Variants in LRRC7 observed in about 807,000 individuals in gnomAD.
LRRC7 encodes leucine-rich repeat-containing protein 7.
LRRC7 carries 23 observed loss-of-function variants against 175.7 expected under a neutral mutation model. That is an observed-to-expected ratio of 0.13 (90% CI 0.09 to 0.19). The LOEUF (loss-of-function observed/expected upper bound fraction) is 0.19, where lower values mean the gene tolerates loss of function less well. LRRC7 is among the 10% of genes least tolerant of loss of function. The pLI, the probability that LRRC7 is intolerant of heterozygous loss-of-function variation, is 1.00. For missense variants in LRRC7, 1,354 were observed against 1,904.7 expected (o/e 0.71, Z 5.38); for synonymous variants, 685 against 680.9 (o/e 1.01, Z -0.09).
rs1553201466 is a variant in LRRC7 at position 70,082,781 on chromosome 1, A to ATCTTT, written c.4452+6484_4452+6485insCTTTT. On this transcript the variant is annotated intron_variant, in intron 24 of 26. Transcript: ENST00000651989. ...TATTAGTCAATCTTGATACCAGTAC[A>ATCTTT]TTTTTTTTTTTTTTTTTTTTTTTTT... is the stretch of plus-strand genomic sequence containing the variant. 2.0e-3 allele frequency among the ~76,000 whole-genome samples: 106 copies of ATCTTT among 52,310 alleles called. 40 individuals carry two copies. Among genetic ancestry groups the ATCTTT allele is most frequent in the East Asian group, 6.4e-3 (9 of 1,408 alleles). The allele number at this position is 52,310 out of a possible 152,430, so 34.3% of individuals were successfully genotyped here.
chr1:69,668,018 C>T (rs1409910283), intron 1 of LRRC7, among the ~76,000 whole-genome samples: 3 of 152,032 alleles, frequency 2.0e-5, no homozygotes, highest in Non-Finnish European at 4.4e-5. Context: ...CCTGCAAATA[C>T]TATCTTATAA....
chr1:69,758,239 G>A (rs6424593), intron 2 of LRRC7, among the ~76,000 whole-genome samples: 81,770 of 151,846 alleles, frequency 0.54, 22,968 homozygotes, highest in East Asian at 0.77. Flanking sequence ...AAAATCTTGC[G>A]ATTCTGGTTC....
chr1:69,746,945 G>A (rs377668323), intron 2 of LRRC7, among the ~76,000 whole-genome samples: 1 of 152,216 alleles, frequency 6.6e-6, no homozygotes, highest in South Asian at 2.1e-4. Flanking sequence ...TGTGAGAAAA[G>A]GATGTGTGGT....
chr1:70,044,969 C>T (rs569943149), intron 22 of LRRC7, among the ~76,000 whole-genome samples: 1 of 152,140 alleles, frequency 6.6e-6, no homozygotes, highest in Non-Finnish European at 1.5e-5. Flanking sequence ...CTTCTAAACA[C>T]TTCTTCCCTC....
intron 2 of LRRC7, among the ~76,000 whole-genome samples, chr1:69,728,774 G>A (rs893814160): frequency 6.6e-6 from 1 of 152,164 alleles, no homozygotes. Context: ...AAGTTTTGCA[G>A]CTGAGCCTAA....
At chr1:69,613,440 G>A (rs563284154) in intron 1 of LRRC7, among the ~76,000 whole-genome samples, 9 of 151,948 alleles carry the variant, frequency 5.9e-5, no homozygotes, top group Admixed American at 1.3e-4. Context: ...AATTTATGGC[G>A]GACACATTAA....
intron 18 of LRRC7, among the ~76,000 whole-genome samples, chr1:70,030,102 A>G (rs914384835): frequency 5.3e-5 from 8 of 151,996 alleles, no homozygotes; most frequent in Non-Finnish European, 1.0e-4. Flanking sequence ...TACCTCCTCA[A>G]GCCCTCAACT....
At chr1:69,773,599 C>T (rs534028000) in intron 3 of LRRC7, among the ~76,000 whole-genome samples, 40 of 152,200 alleles carry the variant, frequency 2.6e-4, no homozygotes, top group African/African-American at 7.7e-4. Context: ...AGTTGAGAAA[C>T]AGATATCAAA....
chr1:69,786,062 A>T (rs1203028722), intron 3 of LRRC7, among the ~76,000 whole-genome samples: 3 of 152,144 alleles, frequency 2.0e-5, no homozygotes, highest in East Asian at 3.8e-4. Flanking sequence ...CACTCAAGTC[A>T]ATTATTTTAT....
intron 11 of LRRC7, among the ~76,000 whole-genome samples, chr1:70,004,636 G>A (rs539187046): frequency 6.6e-6 from 1 of 152,186 alleles, no homozygotes; most frequent in East Asian, 1.9e-4. Context: ...CTGCAGTTGG[G>A]TGTCTACTTT....
intron 1 of LRRC7, among the ~76,000 whole-genome samples, chr1:69,636,085 C>G (rs890981384): frequency 1.3e-5 from 2 of 151,554 alleles, no homozygotes; most frequent in Non-Finnish European, 2.9e-5. Flanking sequence ...GAATGAATAC[C>G]AAACCTACTT....
At chr1:69,790,095 G>C (rs1323623613) in intron 3 of LRRC7, among the ~76,000 whole-genome samples, 1 of 152,028 alleles carries the variant, frequency 6.6e-6, no homozygotes, top group Non-Finnish European at 1.5e-5. Flanking sequence ...GTGAAAATAT[G>C]TGTGACTTAG....
chr1:69,752,950 G>A (rs950773171), intron 2 of LRRC7, among the ~76,000 whole-genome samples: 2 of 152,092 alleles, frequency 1.3e-5, no homozygotes, highest in African/African-American at 4.8e-5. Context: ...TCTTTTGGCT[G>A]TGTGCAGACA....
At chr1:69,616,307 A>C (rs1234612771) in intron 1 of LRRC7, among the ~76,000 whole-genome samples, 1 of 152,040 alleles carries the variant, frequency 6.6e-6, no homozygotes, top group Non-Finnish European at 1.5e-5. Context: ...TTTTGCACTT[A>C]CATTTGAAAA....
chr1:70,058,587 T>C (rs571550468), intron 23 of LRRC7, among the ~76,000 whole-genome samples: 1 of 152,358 alleles, frequency 6.6e-6, no homozygotes, highest in South Asian at 2.1e-4. Flanking sequence ...GTTTCATGTA[T>C]TAAATCTTTA....
intron 7 of LRRC7, among the ~76,000 whole-genome samples, chr1:69,918,949 T>C (rs1646799694): frequency 6.6e-6 from 1 of 152,190 alleles, no homozygotes; most frequent in South Asian, 2.1e-4. Flanking sequence ...AGTAGGAAGC[T>C]ATATTATAAA....
At chr1:69,768,288 T>C (rs141885887) in intron 3 of LRRC7, among the ~76,000 whole-genome samples, 28 of 152,276 alleles carry the variant, frequency 1.8e-4, no homozygotes, top group Non-Finnish European at 3.7e-4. Context: ...GCCACATGAA[T>C]GCCAAACAGG....
intron 2 of LRRC7, among the ~76,000 whole-genome samples, chr1:69,720,398 C>A (rs1173807916): frequency 6.6e-6 from 1 of 151,670 alleles, no homozygotes; most frequent in Non-Finnish European, 1.5e-5. Context: ...AAAATTTTAA[C>A]TCCATCTTGT....
chr1:69,641,098 T>C (rs1654128980), intron 1 of LRRC7, among the ~76,000 whole-genome samples: 1 of 151,728 alleles, frequency 6.6e-6, no homozygotes, highest in African/African-American at 2.4e-5. Flanking sequence ...AATTTATTCC[T>C]TTATTTTTTC....
Sources: allele counts gnomAD v4.1 joint callset (sites outside exome capture counted in the v4.1 genomes callset), GRCh38; gene constraint gnomAD v4.1.1; transcripts MANE v1.5; gene names NCBI Gene and HGNC (gene_info 2026-07-23, HGNC 2026-07-21).